The following ZFAND3 variants were observed in gnomAD, a reference collection of about 807,000 sequenced individuals.
ZFAND3 encodes AN1-type zinc finger protein 3.
A neutral mutation model predicts 29.6 loss-of-function variants in ZFAND3; 10 were observed. The ratio of observed to expected loss-of-function variants is 0.34; its 90% CI spans 0.21 to 0.57. The LOEUF is 0.57. Among genes scored for constraint, ZFAND3 ranks in the 20% least tolerant of loss-of-function variants. ZFAND3 has a pLI of 0.86. For missense variants in ZFAND3, 230 were observed against 304.5 expected (o/e 0.76, Z 1.82); for synonymous variants, 128 against 112.6 (o/e 1.14, Z -0.87).
intron 1 of ZFAND3, among the ~76,000 whole-genome samples, chr6:37,836,651 A>G (rs1448639010): frequency 6.6e-6 from 1 of 152,122 alleles, no homozygotes; most frequent in Non-Finnish European, 1.5e-5. Context: ...AATTGTTGTA[A>G]TTACATCCTA....
At chr6:38,076,901 G>A (rs1764565631) in intron 3 of ZFAND3, among the ~76,000 whole-genome samples, 1 of 152,094 alleles carries the variant, frequency 6.6e-6, no homozygotes, top group African/African-American at 2.4e-5. Context: ...GCATTCTACT[G>A]TGTACCTGAT....
At chr6:37,946,811 C>T (rs903456601) in intron 2 of ZFAND3, among the ~76,000 whole-genome samples, 21 of 152,088 alleles carry the variant, frequency 1.4e-4, no homozygotes, top group Admixed American at 8.5e-4. Flanking sequence ...ATTCTGCTTA[C>T]GTGACGTACC....
At chr6:38,142,493 C>G (rs994154540) in intron 5 of ZFAND3, among the ~76,000 whole-genome samples, 2 of 152,238 alleles carry the variant, frequency 1.3e-5, no homozygotes, top group Non-Finnish European at 2.9e-5. Flanking sequence ...CGTGCCTCCC[C>G]TTTTGTCATC....
intron 2 of ZFAND3, among the ~76,000 whole-genome samples, chr6:37,995,162 C>G (rs1762828712): frequency 6.6e-6 from 1 of 152,180 alleles, no homozygotes; most frequent in South Asian, 2.1e-4. Flanking sequence ...AAGGCAGCTG[C>G]TGACTCTTGA....
At chr6:37,896,564 T>TTCTC (rs1765216910) in intron 1 of ZFAND3, among the ~76,000 whole-genome samples, 8 of 146,416 alleles carry the variant, frequency 5.5e-5, no homozygotes, top group South Asian at 2.2e-4. Context: ...CTTTCTTTCT[T>TTCTC]TCTTTCTCTC....
At chr6:38,060,234 A>C (rs2127463044) in intron 2 of ZFAND3, among the ~76,000 whole-genome samples, 1 of 152,300 alleles carries the variant, frequency 6.6e-6, no homozygotes, top group Non-Finnish European at 1.5e-5. Context: ...AAGGGACGAC[A>C]GTATTTTGTG....
intron 5 of ZFAND3, among the ~76,000 whole-genome samples, chr6:38,133,587 A>C (rs1398544295): frequency 6.6e-6 from 1 of 151,960 alleles, no homozygotes; most frequent in Non-Finnish European, 1.5e-5. Flanking sequence ...GTCTCTACTA[A>C]AAATACAAAA....
intron 1 of ZFAND3, among the ~76,000 whole-genome samples, chr6:37,869,611 C>G (rs1764654545): frequency 6.6e-6 from 1 of 151,056 alleles, no homozygotes; most frequent in East Asian, 1.9e-4. Context: ...TGGGCTCAGG[C>G]AATCCTCACA....
chr6:37,844,740 C>T (rs761291437), intron 1 of ZFAND3, among the ~76,000 whole-genome samples: 1 of 149,752 alleles, frequency 6.7e-6, no homozygotes, highest in Admixed American at 6.7e-5. Flanking sequence ...ATCGGCTGGG[C>T]GCGGTGGCTT....
intron 1 of ZFAND3, among the ~76,000 whole-genome samples, chr6:37,833,814 G>T (rs965105476): frequency 1.7e-5 from 2 of 115,414 alleles, no homozygotes; most frequent in African/African-American, 8.1e-5. Flanking sequence ...GCGACAGAGT[G>T]ACACTGTCTC....
chr6:38,027,718 G>C (rs961867927), intron 2 of ZFAND3, among the ~76,000 whole-genome samples: 5 of 152,210 alleles, frequency 3.3e-5, no homozygotes, highest in African/African-American at 9.6e-5. Context: ...AAAGGCGGAT[G>C]CTCTCAGCAG....
chr6:37,961,654 CAG>C (rs1244496668), intron 2 of ZFAND3, among the ~76,000 whole-genome samples: 1 of 152,192 alleles, frequency 6.6e-6, no homozygotes, highest in Non-Finnish European at 1.5e-5. Context: ...TGGCTCAGAG[CAG>C]AGAGAGAAAG....
intron 2 of ZFAND3, among the ~76,000 whole-genome samples, chr6:37,941,329 T>G (rs932443553): frequency 6.6e-6 from 1 of 152,222 alleles, no homozygotes; most frequent in African/African-American, 2.4e-5. Flanking sequence ...AACATTGTTT[T>G]GCATTTGTGT....
chr6:37,975,625 G>A (rs1290181558), intron 2 of ZFAND3, among the ~76,000 whole-genome samples: 2 of 151,998 alleles, frequency 1.3e-5, no homozygotes, highest in South Asian at 2.1e-4. Flanking sequence ...TTATTTTCAA[G>A]CACCAGTAGT....
chr6:37,921,298 T>C (rs980648773), intron 1 of ZFAND3, among the ~76,000 whole-genome samples: 2 of 152,194 alleles, frequency 1.3e-5, no homozygotes, highest in East Asian at 1.9e-4. Context: ...TTTAGTTTTA[T>C]GATACATGTC....
At chr6:37,966,018 C>G (rs1561949778) in intron 2 of ZFAND3, among the ~76,000 whole-genome samples, 1 of 152,138 alleles carries the variant, frequency 6.6e-6, no homozygotes, top group Non-Finnish European at 1.5e-5. Context: ...CTGCCTTGAC[C>G]TCCCTAAGTG....
intron 1 of ZFAND3, among the ~76,000 whole-genome samples, chr6:37,848,730 T>C (rs1035888196): frequency 6.6e-6 from 1 of 152,242 alleles, no homozygotes; most frequent in Non-Finnish European, 1.5e-5. Context: ...GTTGAAGTTA[T>C]GTTTAAAAAG....
intron 2 of ZFAND3, among the ~76,000 whole-genome samples, chr6:38,041,294 A>G (rs1045698588): frequency 6.6e-6 from 1 of 152,160 alleles, no homozygotes; most frequent in African/African-American, 2.4e-5. Flanking sequence ...TTAGTAAGAA[A>G]TTGTGGAAGA....
intron 3 of ZFAND3, among the ~76,000 whole-genome samples, chr6:38,072,225 G>A (rs927888558): frequency 1.6e-4 from 25 of 151,712 alleles, no homozygotes; most frequent in South Asian, 2.1e-4. Flanking sequence ...ATTTTTGCTC[G>A]TTGGTATTTA....
Sources: gnomAD v4.1 joint callset for allele counts (sites outside exome capture counted in the v4.1 genomes callset) on GRCh38, gnomAD v4.1.1 for gene constraint, MANE v1.5 for transcripts, NCBI Gene and HGNC (gene_info 2026-07-23, HGNC 2026-07-21) for gene names.